The following FAM83A variants were observed in gnomAD, a reference collection of about 807,000 sequenced individuals.
The protein encoded by FAM83A is scaffolding CK1 anchoring protein A.
A neutral mutation model predicts 24.4 loss-of-function variants in FAM83A; 21 were observed. That is an observed-to-expected ratio of 0.86 (90% CI 0.61 to 1.24). The LOEUF (loss-of-function observed/expected upper bound fraction) is 1.24, where lower values mean the gene tolerates loss of function less well. FAM83A is among the 50% of genes most tolerant of loss of function. The probability of loss-of-function intolerance (pLI) is 0.00; values close to 1 mark genes in which losing one functional copy is unlikely to be tolerated. For missense variants in FAM83A, 617 were observed against 579.8 expected (o/e 1.06, Z -0.66); for synonymous variants, 270 against 252.4 (o/e 1.07, Z -0.66).
chr8:123,199,300 G>A (rs992112559), intron 3 of FAM83A, among the ~76,000 whole-genome samples: 1 of 152,130 alleles, frequency 6.6e-6, no homozygotes, highest in Non-Finnish European at 1.5e-5. Flanking sequence ...TCCAAGCAGG[G>A]TCTGTTTGAA....
At position 123,183,008 on chromosome 8, in the gene FAM83A, G is replaced by A; in HGVS notation, c.152G>A (p.Trp51Ter). The change falls in exon 1 of 4, where the codon TGG becomes TAG. Residue 51 changes from tryptophan to a stop codon, truncating the protein, a stop_gained. Coordinates refer to ENST00000690554, the Ensembl canonical transcript of FAM83A. LOFTEE classifies it high-confidence loss of function. ...TTGGATGGGGGTTCTGAAGCCTACTGGCGGGTGCTCAGCCAGGAAGGCGAG... is the reference window on the plus strand; with the variant it reads ...TTGGATGGGGGTTCTGAAGCCTACTAGCGGGTGCTCAGCCAGGAAGGCGAG... 1 of 1,603,932 alleles carries A rather than the reference G, an allele frequency of 6.2e-7. No individual in the cohort carries two copies. The highest frequency in any genetic ancestry group is 8.5e-7 in the Non-Finnish European group (1 of 1,174,916).
exon 4 of FAM83A, chr8:123,207,598 G>A: frequency 6.4e-7 from 1 of 1,568,428 alleles, no homozygotes; most frequent in Non-Finnish European, 8.6e-7. Context: ...GGGCCTACAG[G>A]CCCACGCGGC....
At chr8:123,181,375 T>C (rs1823595327), upstream of FAM83A, among the ~76,000 whole-genome samples, 1 of 152,172 alleles carries the variant, frequency 6.6e-6, no homozygotes, top group Non-Finnish European at 1.5e-5. Flanking sequence ...GACATCAGGT[T>C]CTTACCATAT....
chr8:123,208,505 G>A, exon 4 of FAM83A: 1 of 985,582 alleles, frequency 1.0e-6, no homozygotes, highest in Non-Finnish European at 1.2e-6. Flanking sequence ...GTCTTGAGCA[G>A]CAGGGAGGGC....
rs773461040 is a variant in FAM83A at position 123,183,224 on chromosome 8, C to T, written c.368C>T (p.Ser123Leu). 25 of 1,613,536 alleles carry T rather than the reference C, an allele frequency of 1.5e-5. No individual in the cohort carries two copies. In the East Asian group the frequency reaches 2.5e-4, roughly 16 times the overall value. ...CCGGCCCTACTGCACAGCTGGGCCT[C>T]AGCTGAGAAGCCCTACCTGAAGGAA... Residue 123 changes from serine to leucine, a missense_variant, in exon 1 of 4, where the codon TCA becomes TTA. Coordinates refer to ENST00000690554, the Ensembl canonical transcript of FAM83A.
At chr8:123,192,009 A>G in intron 2 of FAM83A, 39 bp downstream of exon 2, 1 of 1,604,208 alleles carries the variant, frequency 6.2e-7, no homozygotes, top group Non-Finnish European at 8.5e-7. Flanking sequence ...TACTCATATT[A>G]GCCCAGATAG....
intron 1 of FAM83A, among the ~76,000 whole-genome samples, chr8:123,187,849 ATTTTTTAT>A (rs943890691): frequency 2.6e-5 from 4 of 151,196 alleles, no homozygotes; most frequent in African/African-American, 9.8e-5. Context: ...TTTTATTTTT[ATTTTTTAT>A]TTTTTTATTT....
intron 1 of FAM83A, among the ~76,000 whole-genome samples, chr8:123,184,994 G>T (rs1482448929): frequency 6.6e-6 from 1 of 152,212 alleles, no homozygotes; most frequent in Admixed American, 6.5e-5. Context: ...TGGAGGAGGA[G>T]GGAGGGAGCA....
chr8:123,203,784 G>A (rs1363728043), intron 3 of FAM83A, among the ~76,000 whole-genome samples: 2 of 151,350 alleles, frequency 1.3e-5, no homozygotes, highest in Non-Finnish European at 2.9e-5. Context: ...TTTCACCAAA[G>A]AGGCAACATA....
upstream of FAM83A, chr8:123,181,947 T>C (rs1250827320): frequency 2.3e-6 from 1 of 437,056 alleles, no homozygotes; most frequent in Non-Finnish European, 4.7e-6. Flanking sequence ...CAGATCACGA[T>C]CTGATCTGGA....
chr8:123,183,276 G>C (rs138642833), exon 1 of FAM83A: 26 of 1,613,230 alleles, frequency 1.6e-5, no homozygotes, highest in Middle Eastern at 3.3e-4. Flanking sequence ...TGTACTTCCA[G>C]ACCGTCAAGC....
In FAM83A at chr8:123,209,341, TG is replaced by T; in HGVS notation, c.*1657del. 1 of 1,451,408 alleles carries T rather than the reference TG, an allele frequency of 6.9e-7. No homozygotes were observed. 89.9% of individuals were successfully genotyped at this position (1,451,408 alleles called of 1,614,324 possible). A position where few individuals can be genotyped will look rare whatever the true frequency, so the allele number is the denominator to read the frequency against. On this transcript the variant is annotated 3_prime_UTR_variant, in exon 4 of 4. Transcript: ENST00000690554. This position sits in a 1 kb window ranked among gnomAD's most constrained non-coding sequence, Gnocchi z 4.7. ...ATTCTCCACTGCTCCCAGCATGATC[TG>T]GGGCATCTTGGCTTCTGGTTTCTTT...
upstream of FAM83A, chr8:123,180,107 G>A (rs1361893432): frequency 6.6e-6 from 1 of 152,152 alleles, no homozygotes; most frequent in Non-Finnish European, 1.5e-5. Context: ...GTGAAATGAG[G>A]ACTAATAATC....
intron 3 of FAM83A, among the ~76,000 whole-genome samples, chr8:123,203,957 CA>C (rs1340124620): frequency 0.12 from 6,299 of 50,564 alleles, 383 homozygotes; most frequent in African/African-American, 0.29. Flanking sequence ...AACTCCAACT[CA>C]AAAAAAAAAA....
At chr8:123,182,865 G>A (rs749417122) in exon 1 of FAM83A, 37 of 1,522,268 alleles carry the variant, frequency 2.4e-5, no homozygotes, top group Admixed American at 4.3e-5. Context: ...GCATGAGCCG[G>A]TCAAGGCACC....
chr8:123,195,527 A>T lies in FAM83A; in HGVS notation c.773+1379A>T, dbSNP rs147068213. Among the ~76,000 whole-genome samples, 598 of 152,286 alleles carry T rather than the reference A, an allele frequency of 3.9e-3. 4 individuals are homozygous for T. The highest frequency in any genetic ancestry group is 0.014 in the African/African-American group (572 of 41,562). On this transcript the variant is annotated intron_variant, in intron 3 of 3. Coordinates refer to ENST00000690554, the Ensembl canonical transcript of FAM83A. ...CTACCTCCAGTCTTCCTTGGGCTTAAATTTGTACAGTGTCTTAGTCCATTT... is the reference window on the plus strand; with the variant it reads ...CTACCTCCAGTCTTCCTTGGGCTTATATTTGTACAGTGTCTTAGTCCATTT...
At chr8:123,196,499 G>C (rs191270189) in intron 3 of FAM83A, among the ~76,000 whole-genome samples, 2 of 151,988 alleles carry the variant, frequency 1.3e-5, no homozygotes, top group African/African-American at 4.8e-5. Flanking sequence ...TTTTTAGATA[G>C]CTCCTTTTTT....
intron 3 of FAM83A, among the ~76,000 whole-genome samples, chr8:123,194,999 A>G (rs1563784835): frequency 6.6e-6 from 1 of 152,166 alleles, no homozygotes; most frequent in Non-Finnish European, 1.5e-5. Context: ...TCAGAGCTTA[A>G]AAGATATTCT....
rs201858023 is a variant in FAM83A, at chr8:123,183,030, C to T, written c.174C>T (p.Gly58=). The T allele has an allele frequency of 3.7e-5, 59 of 1,608,392 alleles. No individual in the cohort carries two copies. The African/African-American group carries it at 5.6e-4, about 15-fold the overall frequency. The change falls in exon 1 of 4, where the codon GGC becomes GGT. Residue 58 remains glycine (G), a synonymous_variant. Transcript: ENST00000690554. ...ACTGGCGGGTGCTCAGCCAGGAAGG[C>T]GAGGTGGACTTCTTGTCCTCGGTGG... is the stretch of plus-strand genomic sequence containing the variant.
Sources: allele counts gnomAD v4.1 joint callset (sites outside exome capture counted in the v4.1 genomes callset), GRCh38; gene constraint gnomAD v4.1.1; non-coding constraint Gnocchi (gnomAD v3.1); transcripts MANE v1.5; gene names NCBI Gene and HGNC (gene_info 2026-07-23, HGNC 2026-07-21).